Variants in FAM184A observed in about 807,000 individuals in gnomAD.
FAM184A encodes the protein protein FAM184A.
FAM184A carries 99 observed loss-of-function variants against 143.8 expected under a neutral mutation model. That is an observed-to-expected ratio of 0.69 (90% CI 0.58 to 0.81). The LOEUF (loss-of-function observed/expected upper bound fraction) is 0.81, where lower values mean the gene tolerates loss of function less well. FAM184A is among the 40% of genes least tolerant of loss of function. FAM184A has a pLI of 0.00. For missense variants in FAM184A, 1,217 were observed against 1,310.5 expected (o/e 0.93, Z 1.10); for synonymous variants, 427 against 446.4 (o/e 0.96, Z 0.55).
At chr6:119,012,085 TTTAGAGAG>T (rs1304271774) in intron 5 of FAM184A, among the ~76,000 whole-genome samples, 2 of 152,068 alleles carry the variant, frequency 1.3e-5, no homozygotes, top group Non-Finnish European at 1.5e-5. Context: ...CAGGGAAACC[TTTAGAGAG>T]AAAGCAATTC....
At chr6:119,069,306 C>T (rs934329488) in intron 1 of FAM184A, among the ~76,000 whole-genome samples, 11 of 152,090 alleles carry the variant, frequency 7.2e-5, no homozygotes, top group Non-Finnish European at 4.4e-5. Flanking sequence ...AACACACACA[C>T]ACACACACCT....
intron 1 of FAM184A, among the ~76,000 whole-genome samples, chr6:119,145,726 C>G (rs541830496): frequency 4.6e-5 from 7 of 152,284 alleles, no homozygotes; most frequent in Middle Eastern, 3.4e-3. Flanking sequence ...AGTTATGCAC[C>G]AGTGACCCAA....
In FAM184A at chr6:119,114,538, T is replaced by C. The variant is rs572602826; in HGVS notation, c.-202+34540A>G. Reference sequence around the variant, plus strand: ...CCATTTATCTGTTATTTATTTTTTATTTTATCTCATTTATTTATTTTGAGA... The same window carrying C: ...CCATTTATCTGTTATTTATTTTTTACTTTATCTCATTTATTTATTTTGAGA... On this transcript the variant is annotated intron_variant, in intron 1 of 16. Coordinates refer to the FAM184A transcript ENST00000352896. 7.9e-4 allele frequency among the ~76,000 whole-genome samples: 120 copies of C among 152,294 alleles called. 1 individual carries two copies. The highest frequency in any genetic ancestry group is 2.8e-3 in the African/African-American group (117 of 41,556).
intron 4 of FAM184A, 48 bp from the exon 5 acceptor site, chr6:119,016,992 CTGT>C: frequency 7.6e-7 from 1 of 1,320,798 alleles, no homozygotes; most frequent in East Asian, 2.3e-5. Flanking sequence ...TTTTTCATTA[CTGT>C]TATTAGGGTA....
intron 11 of FAM184A, among the ~76,000 whole-genome samples, chr6:118,977,347 C>T (rs1048467863): frequency 6.6e-6 from 1 of 152,042 alleles, no homozygotes; most frequent in Admixed American, 6.6e-5. Context: ...TTTGGGAGGC[C>T]GAGACCCGTA....
At position 119,020,015 on chromosome 6, in the gene FAM184A, T is replaced by C; in HGVS notation, c.1295A>G (p.Asp432Gly). ...TAGAATCTGTTGCTTCTGCTCTTCA[T>C]CCAGACTTTGGGTTTTGCTTCGCAA... ...AFLRSKTQSL[D>G]EEQKQQILEL... is the part of the protein sequence containing the mutation. Residue 432 changes from aspartate to glycine, a missense_variant, in exon 4 of 18, where the codon GAT becomes GGT. Coordinates refer to ENST00000338891, the MANE Select transcript of FAM184A (RefSeq NM_024581.6). The C allele has an allele frequency of 4.4e-6, 7 of 1,605,066 alleles. No individual in the cohort carries two copies. The highest frequency in any genetic ancestry group is 5.9e-6 in the Non-Finnish European group (7 of 1,177,208).
Position 119,024,219 on chromosome 6 carries a change from A to G in FAM184A, c.754T>C (p.Leu252=). Residue 252 remains leucine (L), a synonymous_variant, in exon 2 of 18, where the codon TTG becomes CTG. Coordinates refer to ENST00000338891, the MANE Select transcript of FAM184A (RefSeq NM_024581.6). Reference sequence around the variant, plus strand: ...TCATAAAAGGACTGAGCTTTATTCAACTTGCCTTCATAATCCTCAATTAGT... The same window carrying G: ...TCATAAAAGGACTGAGCTTTATTCAGCTTGCCTTCATAATCCTCAATTAGT... ...KKLIEDYEGK[L]NKAQSFYERE... is the part of the protein sequence containing the mutation. 1 of 1,614,230 alleles carries G rather than the reference A, an allele frequency of 6.2e-7. No individual in the cohort carries two copies. The highest frequency in any genetic ancestry group is 8.5e-7 in the Non-Finnish European group (1 of 1,180,048).
intron 9 of FAM184A, among the ~76,000 whole-genome samples, chr6:118,984,885 C>T (rs1317177655): frequency 6.6e-6 from 1 of 152,168 alleles, no homozygotes; most frequent in Non-Finnish European, 1.5e-5. Flanking sequence ...TGGAATTGGG[C>T]CCAGGCTGCC....
chr6:119,055,345 G>A (rs1786925358), intron 1 of FAM184A, among the ~76,000 whole-genome samples: 1 of 152,108 alleles, frequency 6.6e-6, no homozygotes, highest in Non-Finnish European at 1.5e-5. Flanking sequence ...AATATGTAAT[G>A]CTGCTGTGAT....
intron 1 of FAM184A, among the ~76,000 whole-genome samples, chr6:119,142,664 C>A (rs751938855): frequency 6.6e-6 from 1 of 152,146 alleles, no homozygotes; most frequent in African/African-American, 2.4e-5. Flanking sequence ...CAGTACGAAG[C>A]CTCAGCATCT....
intron 1 of FAM184A, among the ~76,000 whole-genome samples, chr6:119,035,217 A>C (rs538248455): frequency 1.4e-3 from 219 of 152,318 alleles, no homozygotes; most frequent in Admixed American, 4.5e-3. Flanking sequence ...AAAGAACTGA[A>C]TGGACTCCTC....
chr6:118,984,169 A>C (rs1487295733), intron 9 of FAM184A, among the ~76,000 whole-genome samples: 1 of 142,202 alleles, frequency 7.0e-6, no homozygotes, highest in African/African-American at 2.6e-5. Flanking sequence ...ATATATATAT[A>C]TATATATATT....
chr6:119,106,252 C>T (rs1324601609), intron 1 of FAM184A, among the ~76,000 whole-genome samples: 1 of 151,802 alleles, frequency 6.6e-6, no homozygotes, highest in African/African-American at 2.4e-5. Context: ...ATTAGCCGGG[C>T]GTGGTGGTGC....
chr6:118,972,733 A>G (rs1209400091), intron 14 of FAM184A, among the ~76,000 whole-genome samples: 1 of 152,202 alleles, frequency 6.6e-6, no homozygotes, highest in Non-Finnish European at 1.5e-5. Context: ...TAACATTCCT[A>G]AGGAGACAGG....
At chr6:118,983,244 T>C (rs139808575) in intron 9 of FAM184A, among the ~76,000 whole-genome samples, 2,838 of 152,266 alleles carry the variant, frequency 0.019, 98 homozygotes, top group African/African-American at 0.065. Flanking sequence ...TTATTCAGCA[T>C]GAAAAGTACA....
rs1491454245 is a variant in FAM184A at position 118,970,009 on chromosome 6, T to TATATATA, written c.2916-3058_2916-3057insTATATAT. On this transcript the variant is annotated intron_variant, in intron 14 of 17. Coordinates refer to ENST00000338891, the MANE Select transcript of FAM184A (RefSeq NM_024581.6). Reference sequence around the variant, plus strand: ...TATATATATAATATATATATATATATTTTTTTTTTTTTGAGATGGAGTTTT... The same window carrying TATATATA: ...TATATATATAATATATATATATATATATATATATTTTTTTTTTTTGAGATGGAGTTTT... Among the ~76,000 whole-genome samples the TATATATA allele has an allele frequency of 9.2e-3, 215 of 23,260 alleles. 23 individuals carry two copies. Among genetic ancestry groups the TATATATA allele is most frequent in the African/African-American group, 0.036 (205 of 5,762 alleles). The allele number at this position is 23,260 out of a possible 152,430, so 15.3% of individuals were successfully genotyped here. A position where few individuals can be genotyped will look rare whatever the true frequency, so the allele number is the denominator to read the frequency against.
intron 1 of FAM184A, among the ~76,000 whole-genome samples, chr6:119,124,860 G>A (rs1473142152): frequency 6.6e-6 from 1 of 151,818 alleles, no homozygotes; most frequent in Non-Finnish European, 1.5e-5. Context: ...TTTGTTTTTA[G>A]CTTTCATGAG....
At chr6:119,148,222 G>A (rs745540219) in intron 1 of FAM184A, among the ~76,000 whole-genome samples, 1 of 152,162 alleles carries the variant, frequency 6.6e-6, no homozygotes, top group Non-Finnish European at 1.5e-5. Context: ...AAGGAGCCCA[G>A]GCAGGGCTTG....
In FAM184A at chr6:119,148,669, C is replaced by T. The variant is rs545118941; in HGVS notation, c.-202+409G>A. On this transcript the variant is annotated intron_variant, in intron 1 of 16. Coordinates refer to the FAM184A transcript ENST00000352896. ...CATGAAACTGGAATCATTCAGTCAT[C>T]CTGCCAGGCTTAGATCCAGCAGAAT... 3.3e-5 allele frequency among the ~76,000 whole-genome samples: 5 copies of T among 152,274 alleles called. No individual in the cohort carries two copies. The South Asian group carries it at 8.3e-4, about 25-fold the overall frequency.
Sources: gnomAD v4.1 joint callset for allele counts (sites outside exome capture counted in the v4.1 genomes callset) on GRCh38, gnomAD v4.1.1 for gene constraint, MANE v1.5 for transcripts, NCBI Gene and HGNC (gene_info 2026-07-23, HGNC 2026-07-21) for gene names.